IMMP2L: variants seen among roughly 807,000 people sequenced by gnomAD.
The protein encoded by IMMP2L is inner mitochondrial membrane peptidase subunit 2.
In IMMP2L, 18 loss-of-function variants were observed where a neutral mutation model predicts 19.3. The ratio of observed to expected loss-of-function variants is 0.93; its 90% CI spans 0.64 to 1.38. The LOEUF (loss-of-function observed/expected upper bound fraction) is 1.38, where lower values mean the gene tolerates loss of function less well. Ranked by LOEUF, IMMP2L falls within the 40% of genes most tolerant of loss-of-function variation. The pLI is 0.00. For synonymous variants in IMMP2L, 76 were observed against 73.0 expected (o/e 1.04, Z -0.21); for missense variants, 233 against 218.2 (o/e 1.07, Z -0.43).
At chr7:110,689,580 T>C (rs1793354710) in intron 5 of IMMP2L, among the ~76,000 whole-genome samples, 1 of 152,166 alleles carries the variant, frequency 6.6e-6, no homozygotes. Flanking sequence ...AGTTACCTCT[T>C]TTTACTGTAG....
intron 3 of IMMP2L, among the ~76,000 whole-genome samples, chr7:111,174,297 A>C (rs1268642736): frequency 6.6e-6 from 1 of 151,694 alleles, no homozygotes; most frequent in Non-Finnish European, 1.5e-5. Context: ...CAGGTAATAC[A>C]AATCAGAAAG....
At chr7:111,252,563 G>C (rs1006856786) in intron 3 of IMMP2L, among the ~76,000 whole-genome samples, 2 of 152,266 alleles carry the variant, frequency 1.3e-5, no homozygotes, top group Non-Finnish European at 2.9e-5. Context: ...TTTGGAATGG[G>C]AAGCAGAGGA....
intron 5 of IMMP2L, among the ~76,000 whole-genome samples, chr7:110,841,176 T>A (rs550960314): frequency 3.2e-4 from 49 of 152,114 alleles, no homozygotes; most frequent in African/African-American, 1.2e-3. Context: ...CCTTTTTTAT[T>A]GTATACATTT....
intron 4 of IMMP2L, among the ~76,000 whole-genome samples, chr7:110,942,538 T>C (rs1816842126): frequency 6.6e-6 from 1 of 151,826 alleles, no homozygotes; most frequent in Admixed American, 6.6e-5. Context: ...TAATCCTTTC[T>C]CAAAATATGA....
intron 3 of IMMP2L, among the ~76,000 whole-genome samples, chr7:111,209,056 A>G (rs769743531): frequency 6.6e-6 from 1 of 152,172 alleles, no homozygotes; most frequent in East Asian, 1.9e-4. Context: ...AGAGAGCACA[A>G]TTTGTTTATT....
chr7:111,239,735 G>A (rs1814775630), intron 3 of IMMP2L, among the ~76,000 whole-genome samples: 1 of 151,896 alleles, frequency 6.6e-6, no homozygotes, highest in African/African-American at 2.4e-5. Flanking sequence ...GCAAAAAGAT[G>A]AGAGCAGCAA....
rs1361172722 is a variant in IMMP2L at position 111,385,949 on chromosome 7, T to C, written c.239+101289A>G. Among the ~76,000 whole-genome samples, 7 of 152,032 alleles carry C rather than the reference T, an allele frequency of 4.6e-5. No homozygotes were observed. The East Asian group carries it at 9.7e-4, about 21-fold the overall frequency. The stretch of plus-strand genomic sequence containing the variant: ...TTTTTTTTTTAATAGAGGCAGGGTC[T>C]TACTCTGTCACCCAGGCTGGACTGT... On this transcript the variant is annotated intron_variant, in intron 3 of 5. Coordinates refer to ENST00000405709, the MANE Select transcript of IMMP2L (RefSeq NM_032549.4).
intron 3 of IMMP2L, among the ~76,000 whole-genome samples, chr7:111,275,618 A>G (rs1461684706): frequency 6.6e-6 from 1 of 152,158 alleles, no homozygotes. Flanking sequence ...TTAACATACA[A>G]TTTTATAGGG....
intron 3 of IMMP2L, among the ~76,000 whole-genome samples, chr7:111,155,601 T>C (rs1046238748): frequency 5.3e-5 from 8 of 151,810 alleles, no homozygotes; most frequent in East Asian, 1.9e-4. Flanking sequence ...TCTGTGTATA[T>C]ATATAATTGC....
At position 111,123,372 on chromosome 7, in the gene IMMP2L, T is replaced by C. The variant is rs750645851; in HGVS notation, c.240-159807A>G. On this transcript the variant is annotated intron_variant, in intron 3 of 5. Transcript: ENST00000405709. The surrounding 1 kb of genome is among the most constrained non-coding windows in gnomAD (Gnocchi z 6.4). ...TTCTGATGATTGGGGAAAATCCAAT[T>C]ATCAGAATCAAAGACATGAACTTTA... The C allele has an allele frequency of 1.1e-5, 18 of 1,613,702 alleles. No individual in the cohort carries two copies. Among genetic ancestry groups the C allele is most frequent in the Middle Eastern group, 1.7e-4 (1 of 6,054 alleles).
chr7:111,020,757 G>C (rs1826197705), intron 3 of IMMP2L, among the ~76,000 whole-genome samples: 1 of 151,960 alleles, frequency 6.6e-6, no homozygotes, highest in African/African-American at 2.4e-5. Flanking sequence ...ATAAGACCCT[G>C]TCTCAAAAGA....
At chr7:111,520,006 A>C (rs1011573985) in intron 2 of IMMP2L, among the ~76,000 whole-genome samples, 2 of 152,128 alleles carry the variant, frequency 1.3e-5, no homozygotes, top group African/African-American at 2.4e-5. Context: ...GAAATGAAGA[A>C]TCTGACTCCA....
chr7:111,036,204 C>T (rs555234050), intron 3 of IMMP2L, among the ~76,000 whole-genome samples: 1 of 152,100 alleles, frequency 6.6e-6, no homozygotes, highest in Non-Finnish European at 1.5e-5. Flanking sequence ...CTTATAATAC[C>T]GTTTCCTTTA....
chr7:111,558,444 G>A (rs1175714233), intron 1 of IMMP2L, among the ~76,000 whole-genome samples: 3 of 152,116 alleles, frequency 2.0e-5, no homozygotes, highest in Non-Finnish European at 2.9e-5. Flanking sequence ...TTTATTTTAC[G>A]GCAGATTCTG....
chr7:110,980,227 CTTTTTT>C (rs1218434499), intron 3 of IMMP2L, among the ~76,000 whole-genome samples: 12 of 91,898 alleles, frequency 1.3e-4, no homozygotes, highest in Admixed American at 1.2e-3. Context: ...TGTGCTGCTT[CTTTTTT>C]TTTTTTTTTT....
intron 3 of IMMP2L, among the ~76,000 whole-genome samples, chr7:111,381,586 A>C (rs1324892865): frequency 6.6e-6 from 1 of 152,000 alleles, no homozygotes; most frequent in Non-Finnish European, 1.5e-5. Flanking sequence ...GAGGAGGAAA[A>C]TACACTAACA....
intron 3 of IMMP2L, among the ~76,000 whole-genome samples, chr7:111,195,420 G>A (rs1009716357): frequency 3.3e-5 from 5 of 151,570 alleles, no homozygotes; most frequent in Non-Finnish European, 5.9e-5. Flanking sequence ...ATATAAACTT[G>A]CAAGGAATAA....
chr7:111,029,902 C>T (rs912115861), intron 3 of IMMP2L, among the ~76,000 whole-genome samples: 1 of 152,104 alleles, frequency 6.6e-6, no homozygotes, highest in African/African-American at 2.4e-5. Flanking sequence ...TGGCTTCTGG[C>T]AGGATTCCAG....
At chr7:110,679,740 T>C (rs61672846) in intron 5 of IMMP2L, among the ~76,000 whole-genome samples, 16,348 of 152,226 alleles carry the variant, frequency 0.11, 1,937 homozygotes, top group African/African-American at 0.3. Flanking sequence ...TCTACTTCCC[T>C]TTCCTCTTTT....
Sources: gnomAD v4.1 joint callset for allele counts (sites outside exome capture counted in the v4.1 genomes callset) on GRCh38, gnomAD v4.1.1 for gene constraint, Gnocchi (gnomAD v3.1) non-coding constraint, MANE v1.5 for transcripts, NCBI Gene and HGNC (gene_info 2026-07-23, HGNC 2026-07-21) for gene names.